The following SYN3 variants were observed in gnomAD, a reference collection of about 807,000 sequenced individuals.
SYN3 encodes the protein synapsin III.
SYN3 carries 35 observed loss-of-function variants against 65.8 expected under a neutral mutation model. That is an observed-to-expected ratio of 0.53 (90% confidence interval 0.41 to 0.70). SYN3 has a LOEUF of 0.70. SYN3 is among the 30% of genes least tolerant of loss of function. The probability of loss-of-function intolerance (pLI) is 0.00; values close to 1 mark genes in which losing one functional copy is unlikely to be tolerated. For missense variants in SYN3, 680 were observed against 749.0 expected, an observed-to-expected ratio of 0.91 and a Z score of 1.08; for synonymous variants, 270 against 292.9, an observed-to-expected ratio of 0.92 and a Z score of 0.80.
chr22:32,953,004 T>C (rs2051337016), intron 3 of SYN3, among the ~76,000 whole-genome samples: 1 of 152,226 alleles, frequency 6.6e-6, no homozygotes, highest in Non-Finnish European at 1.5e-5. Context: ...ACTTGAAAGC[T>C]CTTAGCAAGG....
At chr22:32,533,049 T>G in intron 10 of SYN3, among the ~76,000 whole-genome samples, 1 of 142,554 alleles carries the variant, frequency 7.0e-6, no homozygotes, top group Non-Finnish European at 1.5e-5. Flanking sequence ...TGGGAAGACA[T>G]GGAGGAGAGG....
At chr22:32,822,806 G>A (rs2047288237) in intron 6 of SYN3, among the ~76,000 whole-genome samples, 1 of 152,102 alleles carries the variant, frequency 6.6e-6, no homozygotes, top group Non-Finnish European at 1.5e-5. Context: ...ATGGTCCAAA[G>A]AAAGGTGAAT....
At chr22:32,940,784 A>C (rs1420973129) in intron 3 of SYN3, among the ~76,000 whole-genome samples, 1 of 152,194 alleles carries the variant, frequency 6.6e-6, no homozygotes, top group Admixed American at 6.5e-5. Flanking sequence ...ATGACATCAG[A>C]TAGTATAATA....
intron 4 of SYN3, among the ~76,000 whole-genome samples, chr22:32,882,147 G>A (rs1218882933): frequency 6.6e-6 from 1 of 151,844 alleles, no homozygotes; most frequent in Non-Finnish European, 1.5e-5. Context: ...GCTGTCAGGT[G>A]AAACGCCTGA....
chr22:33,014,052 G>C (rs1382255732), intron 1 of SYN3, among the ~76,000 whole-genome samples: 1 of 143,332 alleles, frequency 7.0e-6, no homozygotes, highest in Non-Finnish European at 1.5e-5. Context: ...CTACAGACGT[G>C]TACTAAGATG....
intron 6 of SYN3, among the ~76,000 whole-genome samples, chr22:32,819,077 G>A (rs2047165565): frequency 6.6e-6 from 1 of 152,266 alleles, no homozygotes; most frequent in Non-Finnish European, 1.5e-5. Flanking sequence ...GGTGGAGCTG[G>A]ATCTGCCACT....
At chr22:32,924,392 T>G (rs1374342083) in intron 4 of SYN3, among the ~76,000 whole-genome samples, 2 of 152,176 alleles carry the variant, frequency 1.3e-5, no homozygotes, top group Non-Finnish European at 2.9e-5. Context: ...TGAGACAGAA[T>G]AAATCTCAAC....
At chr22:32,941,878 CA>C (rs2050950578) in intron 3 of SYN3, among the ~76,000 whole-genome samples, 1 of 152,228 alleles carries the variant, frequency 6.6e-6, no homozygotes, top group African/African-American at 2.4e-5. Context: ...GATCTAACTG[CA>C]AGGCAGCAGT....
rs531430859 is a variant in SYN3, at chr22:32,511,789, T to C, written c.*1903A>G. ...GGCAATTGGACCTATCTGATCTTTC[T>C]TATGTCAGGTCTGCTACTTATTATT... On this transcript the variant is annotated 3_prime_UTR_variant, in exon 14 of 14. Transcript: ENST00000358763. 9.3e-4 allele frequency among the ~76,000 whole-genome samples: 141 copies of C among 152,342 alleles called. 1 individual carries two copies. The highest frequency in any genetic ancestry group is 4.5e-3 in the Admixed American group (69 of 15,308).
intron 2 of SYN3, among the ~76,000 whole-genome samples, chr22:32,994,726 C>T (rs1053586777): frequency 5.3e-5 from 8 of 152,154 alleles, no homozygotes; most frequent in African/African-American, 1.4e-4. Flanking sequence ...GCCAGGATCT[C>T]GACACCCTCC....
chr22:33,032,759 C>T (rs2053777663), intron 1 of SYN3, among the ~76,000 whole-genome samples: 1 of 152,120 alleles, frequency 6.6e-6, no homozygotes, highest in South Asian at 2.1e-4. Context: ...TTTCAACCAA[C>T]TGCCAACTAA....
At chr22:32,700,080 T>A (rs1329013082) in intron 6 of SYN3, among the ~76,000 whole-genome samples, 1 of 151,092 alleles carries the variant, frequency 6.6e-6, no homozygotes, top group Non-Finnish European at 1.5e-5. Flanking sequence ...AATCGAAAAT[T>A]TCTGCCTGAA....
At chr22:32,910,191 C>T (rs946827523) in intron 4 of SYN3, among the ~76,000 whole-genome samples, 25 of 152,216 alleles carry the variant, frequency 1.6e-4, no homozygotes, top group Non-Finnish European at 2.8e-4. Flanking sequence ...GGCTAGCCCA[C>T]GTGTTTTTAA....
chr22:32,614,498 A>G (rs1322347090), intron 6 of SYN3, among the ~76,000 whole-genome samples: 2 of 152,078 alleles, frequency 1.3e-5, no homozygotes, highest in African/African-American at 4.8e-5. Context: ...TCATTACACT[A>G]TATTGGGGTC....
chr22:32,991,254 C>T (rs139427433), intron 2 of SYN3, among the ~76,000 whole-genome samples: 2,353 of 151,280 alleles, frequency 0.016, 51 homozygotes, highest in African/African-American at 0.053. Flanking sequence ...AGGAGAATAG[C>T]TTGAACTCGG....
chr22:32,601,359 G>C (rs2059280281), intron 6 of SYN3, among the ~76,000 whole-genome samples: 2 of 151,328 alleles, frequency 1.3e-5, no homozygotes, highest in Admixed American at 1.3e-4. Flanking sequence ...CTCACTGCAA[G>C]CTCTGCCTCC....
chr22:32,885,953 G>C (rs2049276216), intron 4 of SYN3, among the ~76,000 whole-genome samples: 1 of 152,074 alleles, frequency 6.6e-6, no homozygotes, highest in African/African-American at 2.4e-5. Flanking sequence ...CACCAGAAAG[G>C]GGCCTATGTT....
chr22:33,006,627 G>A lies in SYN3; in HGVS notation c.36C>T (p.Ser12=). 6.2e-7 allele frequency: 1 copy of A among 1,601,822 alleles called. No homozygotes were observed. Among genetic ancestry groups the A allele is most frequent in the Non-Finnish European group, 8.5e-7 (1 of 1,173,412 alleles). ...AGCCATTAGGCAGGTTGGCCATGAA[G>A]CTGCTGTCAGAGAGACGTCGCCGGA... ...NFLRRRLSDS[S]FMANLPNGYM... Residue 12 remains serine (S), a synonymous_variant, in exon 2 of 14, where the codon AGC becomes AGT. Coordinates refer to ENST00000358763, the MANE Select transcript of SYN3 (RefSeq NM_003490.4).
intron 6 of SYN3, among the ~76,000 whole-genome samples, chr22:32,812,720 T>C (rs1390291105): frequency 6.6e-6 from 1 of 152,184 alleles, no homozygotes; most frequent in Non-Finnish European, 1.5e-5. Context: ...GATGAACACA[T>C]GTGTGATCTG....
Sources: allele counts gnomAD v4.1 joint callset (sites outside exome capture counted in the v4.1 genomes callset), GRCh38; gene constraint gnomAD v4.1.1; transcripts MANE v1.5; gene names NCBI Gene and HGNC (gene_info 2026-07-23, HGNC 2026-07-21).